Variants in DLGAP2 observed in about 807,000 individuals in gnomAD.
DLGAP2 encodes DLG associated protein 2, also known as disks large-associated protein 2.
Under a neutral mutation model 100.3 loss-of-function variants are expected in DLGAP2, and 26 were observed. The ratio of observed to expected loss-of-function variants is 0.26; its 90% CI spans 0.19 to 0.36. DLGAP2 has a LOEUF of 0.36. Among genes scored for constraint, DLGAP2 ranks in the 10% least tolerant of loss-of-function variants. The probability of loss-of-function intolerance (pLI) is 1.00; values close to 1 mark genes in which losing one functional copy is unlikely to be tolerated. For synonymous variants in DLGAP2, 886 were observed against 630.1 expected (o/e 1.41, Z -6.08); for missense variants, 1,858 against 1,453.2 (o/e 1.28, Z -4.53).
chr8:1,340,480 C>G (rs536690081), intron 3 of DLGAP2, among the ~76,000 whole-genome samples: 8 of 152,218 alleles, frequency 5.3e-5, no homozygotes, highest in African/African-American at 9.6e-5. Flanking sequence ...TGAAGAAAAG[C>G]TCAACATCAC....
intron 3 of DLGAP2, among the ~76,000 whole-genome samples, chr8:1,414,276 C>G (rs1178759777): frequency 1.3e-5 from 2 of 152,214 alleles, no homozygotes; most frequent in Non-Finnish European, 2.9e-5. Flanking sequence ...GCATGGCGCC[C>G]TGAGCATGTG....
At chr8:1,181,194 A>C (rs1186652752) in intron 2 of DLGAP2, among the ~76,000 whole-genome samples, 1 of 126,784 alleles carries the variant, frequency 7.9e-6, no homozygotes. Flanking sequence ...GTGGCTGTGC[A>C]AGGGCAGTAC....
rs777921786 is a variant in DLGAP2, at chr8:1,705,987, A to G, written c.*4581A>G. The stretch of plus-strand genomic sequence containing the variant: ...CTTCATTCAGGGCCATGTGGCAGCC[A>G]TGACACACACCACATAAGGTCAGCT... On this transcript the variant is annotated 3_prime_UTR_variant, in exon 15 of 15. Coordinates refer to ENST00000637795, the MANE Select transcript of DLGAP2 (RefSeq NM_001346810.2). 1.3e-5 allele frequency: 2 copies of G among 152,218 alleles called. No homozygotes were observed. The highest frequency in any genetic ancestry group is 4.8e-5 in the African/African-American group (2 of 41,452). The allele number at this position is 152,218 out of a possible 1,614,324, so 9.4% of individuals were successfully genotyped here. A position where few individuals can be genotyped will look rare whatever the true frequency, so the allele number is the denominator to read the frequency against.
intron 5 of DLGAP2, among the ~76,000 whole-genome samples, chr8:1,558,463 T>C (rs776203267): frequency 6.6e-6 from 1 of 152,074 alleles, no homozygotes; most frequent in Non-Finnish European, 1.5e-5. Flanking sequence ...CCACAGTCTC[T>C]GGGAAGGAGG....
intron 1 of DLGAP2, among the ~76,000 whole-genome samples, chr8:822,665 A>T (rs1008725118): frequency 6.6e-6 from 1 of 152,214 alleles, no homozygotes; most frequent in African/African-American, 2.4e-5. Flanking sequence ...TTCAAATAGC[A>T]GTCTGAACTG....
At chr8:1,182,290 G>T (rs993047542) in intron 2 of DLGAP2, among the ~76,000 whole-genome samples, 8 of 152,392 alleles carry the variant, frequency 5.2e-5, no homozygotes, top group Non-Finnish European at 1.0e-4. Context: ...GGGCAAAGCT[G>T]TGTTCACCTG....
intron 1 of DLGAP2, among the ~76,000 whole-genome samples, chr8:844,113 G>A (rs116796317): frequency 3.1e-4 from 47 of 152,130 alleles, no homozygotes; most frequent in African/African-American, 1.1e-3. Context: ...TTACTTTGTG[G>A]TTCACAGTGA....
chr8:1,182,174 G>C (rs17815711), intron 2 of DLGAP2, among the ~76,000 whole-genome samples: 4,339 of 152,332 alleles, frequency 0.028, 104 homozygotes, highest in East Asian at 0.16. Flanking sequence ...TCGTTTGCAC[G>C]GGGCATCTCA....
intron 2 of DLGAP2, among the ~76,000 whole-genome samples, chr8:1,202,321 G>A (rs1266172224): frequency 6.8e-6 from 1 of 147,368 alleles, no homozygotes; most frequent in South Asian, 2.2e-4. Context: ...TGTATGTACT[G>A]GGGGTGAGGC....
chr8:896,586 G>A (rs986854950), intron 1 of DLGAP2, among the ~76,000 whole-genome samples: 2 of 152,112 alleles, frequency 1.3e-5, no homozygotes, highest in Non-Finnish European at 1.5e-5. Flanking sequence ...CCTGGGGGGC[G>A]ATGACGGCGA....
intron 3 of DLGAP2, among the ~76,000 whole-genome samples, chr8:1,470,609 A>G (rs1191285750): frequency 6.6e-6 from 1 of 152,146 alleles, no homozygotes; most frequent in Non-Finnish European, 1.5e-5. Context: ...ATCCCAAGCC[A>G]CTGAATAAAT....
intron 3 of DLGAP2, among the ~76,000 whole-genome samples, chr8:1,428,594 G>A (rs1289849509): frequency 6.6e-6 from 1 of 152,194 alleles, no homozygotes; most frequent in Non-Finnish European, 1.5e-5. Context: ...TATTAAATAA[G>A]ACATTAGACA....
intron 1 of DLGAP2, among the ~76,000 whole-genome samples, chr8:776,612 G>A (rs1196926597): frequency 1.3e-5 from 2 of 152,222 alleles, no homozygotes; most frequent in Non-Finnish European, 2.9e-5. Flanking sequence ...TATGTACCCA[G>A]TAGTCCTTCA....
chr8:1,499,465 T>C (rs1321865792), intron 3 of DLGAP2, among the ~76,000 whole-genome samples: 1 of 152,254 alleles, frequency 6.6e-6, no homozygotes, highest in African/African-American at 2.4e-5. Context: ...CATATGACGA[T>C]GGTCTCCATG....
chr8:948,344 G>A (rs1425820813), intron 2 of DLGAP2, among the ~76,000 whole-genome samples: 1 of 152,238 alleles, frequency 6.6e-6, no homozygotes. Flanking sequence ...GGTCCGTGCA[G>A]AGGAAGGAAG....
chr8:1,414,652 C>T (rs772919698), intron 3 of DLGAP2, among the ~76,000 whole-genome samples: 3 of 151,542 alleles, frequency 2.0e-5, no homozygotes, highest in Admixed American at 1.3e-4. Context: ...CATCTACGCA[C>T]GTCCAGGCGT....
At chr8:1,110,507 C>G (rs1185178476) in intron 2 of DLGAP2, among the ~76,000 whole-genome samples, 1 of 137,402 alleles carries the variant, frequency 7.3e-6, no homozygotes, top group Non-Finnish European at 1.6e-5. Context: ...TGTGCACGTG[C>G]CTGTGAAGTG....
At chr8:1,269,175 G>A (rs913669787) in intron 3 of DLGAP2, among the ~76,000 whole-genome samples, 1 of 152,198 alleles carries the variant, frequency 6.6e-6, no homozygotes, top group African/African-American at 2.4e-5. Flanking sequence ...GTTCGTTGCT[G>A]CTTCCTTCCC....
At chr8:906,527 G>T (rs1409101448) in intron 1 of DLGAP2, among the ~76,000 whole-genome samples, 2 of 152,212 alleles carry the variant, frequency 1.3e-5, no homozygotes, top group African/African-American at 4.8e-5. Flanking sequence ...TCAAACCCCG[G>T]GAGTTGAGTG....
Sources: gnomAD v4.1 joint callset for allele counts (sites outside exome capture counted in the v4.1 genomes callset) on GRCh38, gnomAD v4.1.1 for gene constraint, MANE v1.5 for transcripts, NCBI Gene and HGNC (gene_info 2026-07-23, HGNC 2026-07-21) for gene names.